Variants in SLC36A2 observed in about 807,000 individuals in gnomAD.
SLC36A2 encodes proton-coupled amino acid transporter 2.
SLC36A2 carries 39 observed loss-of-function variants against 42.7 expected under a neutral mutation model. That is an observed-to-expected ratio of 0.91 (90% confidence interval 0.71 to 1.19). The LOEUF is 1.19. SLC36A2 is among the 50% of genes most tolerant of loss of function. SLC36A2 has a pLI of 0.00. For missense variants in SLC36A2, 590 were observed against 613.7 expected (o/e 0.96, Z 0.41); for synonymous variants, 237 against 240.8 (o/e 0.98, Z 0.15).
chr5:151,327,975 A>C (rs1755897717), intron 7 of SLC36A2, among the ~76,000 whole-genome samples: 1 of 152,178 alleles, frequency 6.6e-6, no homozygotes, highest in South Asian at 2.1e-4. Context: ...GATAATTTCA[A>C]CTAATACTAA....
chr5:151,319,107 G>C (rs1357499815), intron 9 of SLC36A2: 6 of 954,112 alleles, frequency 6.3e-6, no homozygotes, highest in Non-Finnish European at 6.2e-6. Flanking sequence ...TAGGTATTGT[G>C]ATTCATTCTG....
chr5:151,344,088 C>A (rs574096888), intron 2 of SLC36A2, 89 bp downstream of exon 2: 1 of 1,208,952 alleles, frequency 8.3e-7, no homozygotes, highest in East Asian at 2.5e-5. Context: ...AAAGACTGCT[C>A]ACCACAGGTT....
chr5:151,338,912 A>C (rs1176278406), intron 5 of SLC36A2, 148 bp downstream of exon 5: 1 of 658,096 alleles, frequency 1.5e-6, no homozygotes, highest in Non-Finnish European at 2.9e-6. Context: ...CAGATATGTG[A>C]ACTAGGGGAG....
chr5:151,339,022 C>A, intron 5 of SLC36A2, 38 bp downstream of exon 5: 1 of 1,462,846 alleles, frequency 6.8e-7, no homozygotes, highest in South Asian at 1.1e-5. Flanking sequence ...GTGTCCTTGT[C>A]CATCTTTTCC....
chr5:151,343,633 A>G lies in SLC36A2; in HGVS notation c.256-35T>C, dbSNP rs764078159. 3.8e-6 allele frequency: 6 copies of G among 1,573,524 alleles called. No individual in the cohort carries two copies. The Admixed American group carries it at 1.0e-4, about 26-fold the overall frequency. Reference sequence around the variant, plus strand: ...GGGGAGGCAAGGGGCGAGGGAGGAGAGAAGAGAATGCATTTATGAAGAATA... The same window carrying G: ...GGGGAGGCAAGGGGCGAGGGAGGAGGGAAGAGAATGCATTTATGAAGAATA... On this transcript the variant is annotated intron_variant, in intron 2 of 9. Transcript: ENST00000335244.
At position 151,344,185 on chromosome 5, in the gene SLC36A2, C is replaced by A. The variant is rs774495033; in HGVS notation, c.247G>T (p.Gly83Cys). The A allele has an allele frequency of 6.2e-7, 1 of 1,614,052 alleles. No homozygotes were observed. Among genetic ancestry groups the A allele is most frequent in the Non-Finnish European group, 8.5e-7 (1 of 1,179,986 alleles). Reference protein sequence around the residue: ...LGLPLAVKNAGILMGPLSLLV... With the variant: ...LGLPLAVKNACILMGPLSLLV... ...TGTGGCGCCTCTCTTACCAGGATGC[C>A]CGCGTTCTTCACAGCGAGGGGTAGT... is the stretch of plus-strand genomic sequence containing the variant. The change falls in exon 2 of 10, where the codon GGC (glycine) becomes TGC (cysteine). Residue 83 changes from glycine (G) to cysteine (C), a missense_variant. Transcript: ENST00000335244.
intron 2 of SLC36A2, among the ~76,000 whole-genome samples, chr5:151,343,898 T>C (rs960724584): frequency 2.6e-5 from 4 of 152,124 alleles, no homozygotes; most frequent in African/African-American, 4.8e-5. Flanking sequence ...GGACCTGGTG[T>C]TCTATAGAGC....
Position 151,325,578 on chromosome 5 carries a change from TA to T in SLC36A2, c.844-127del, listed in dbSNP as rs112512583. The T allele has an allele frequency of 0.015, 14,957 of 1,017,844 alleles. 1,288 individuals are homozygous for T. The African/African-American group carries it at 0.2, about 13-fold the overall frequency. 63.1% of individuals were successfully genotyped at this position (1,017,844 alleles called of 1,614,324 possible). Reference sequence around the variant, plus strand: ...GGCCTCAAAGAGATATTTGTACACTTATGTTCACAGTAGTGCTATTCACATA... The same window carrying T: ...GGCCTCAAAGAGATATTTGTACACTTTGTTCACAGTAGTGCTATTCACATA... On this transcript the variant is annotated intron_variant, in intron 7 of 9. Transcript: ENST00000335244.
chr5:151,340,230 AGGG>A (rs1198901404), intron 4 of SLC36A2, among the ~76,000 whole-genome samples: 14 of 135,492 alleles, frequency 1.0e-4, no homozygotes, highest in African/African-American at 4.0e-4. Flanking sequence ...AGGAGGAGGA[AGGG>A]GAGGAGGAGG....
intron 8 of SLC36A2, among the ~76,000 whole-genome samples, chr5:151,324,141 T>TTTTG (rs543165815): frequency 0.01 from 1,584 of 151,980 alleles, 16 homozygotes; most frequent in African/African-American, 0.035. Context: ...TCCCAAATTG[T>TTTTG]TTTGTTTGTT....
At chr5:151,336,459 CTTT>C (rs769643262) in intron 5 of SLC36A2, among the ~76,000 whole-genome samples, 8,692 of 113,074 alleles carry the variant, frequency 0.077, 406 homozygotes, top group African/African-American at 0.17. Context: ...TTCCCTCAAT[CTTT>C]TTTTTTTTTT....
intron 7 of SLC36A2, chr5:151,332,571 C>T (rs146219010): frequency 2.8e-4 from 104 of 370,606 alleles, no homozygotes; most frequent in East Asian, 2.2e-3. Context: ...ACAGCATGGA[C>T]GAATTTAAAA....
chr5:151,326,396 T>C (rs1271441186), intron 7 of SLC36A2, among the ~76,000 whole-genome samples: 1 of 152,100 alleles, frequency 6.6e-6, no homozygotes, highest in Admixed American at 6.5e-5. Context: ...GCAGACTCCC[T>C]CCGCCAACCC....
At chr5:151,343,126 T>C in intron 3 of SLC36A2, 143 bp from the exon 4 acceptor site, 1 of 726,054 alleles carries the variant, frequency 1.4e-6, no homozygotes, top group Non-Finnish European at 2.5e-6. Flanking sequence ...GCTTTGACAC[T>C]CAGCAGTAAT....
At chr5:151,333,834 T>A (rs1029642768) in intron 6 of SLC36A2, among the ~76,000 whole-genome samples, 1 of 151,974 alleles carries the variant, frequency 6.6e-6, no homozygotes, top group African/African-American at 2.4e-5. Context: ...CGAAACTCCA[T>A]CTCAAAAACA....
chr5:151,316,894 T>C lies in SLC36A2; in HGVS notation c.1375A>G (p.Thr459Ala), dbSNP rs1580839316. Residue 459 changes from threonine to alanine, a missense_variant, in exon 10 of 10, where the codon ACC becomes GCC. Coordinates refer to ENST00000335244, the MANE Select transcript of SLC36A2 (RefSeq NM_181776.3). The stretch of plus-strand genomic sequence containing the variant: ...AGCAGCTCGTCCAGGGCCTGGTAGG[T>C]CCCCACCACAAAGCCCACGAAGCCC... ...ILGFVGFVVG[T>A]YQALDELLKS... 6.2e-7 allele frequency: 1 copy of C among 1,613,852 alleles called. No homozygotes were observed. The highest frequency in any genetic ancestry group is 8.5e-7 in the Non-Finnish European group (1 of 1,179,952).
At chr5:151,322,247 G>T in intron 8 of SLC36A2, 32 bp from the exon 9 acceptor site, 1 of 1,612,058 alleles carries the variant, frequency 6.2e-7, no homozygotes, top group South Asian at 1.1e-5. Context: ...TGCTCTCCAC[G>T]GCCACTGTGT....
At chr5:151,334,749 G>A (rs1756098168) in intron 6 of SLC36A2, among the ~76,000 whole-genome samples, 2 of 151,736 alleles carry the variant, frequency 1.3e-5, no homozygotes, top group African/African-American at 2.4e-5. Context: ...TAGCAAATTA[G>A]GAAACTGACA....
chr5:151,340,202 GAGA>G (rs1175507241), intron 4 of SLC36A2, among the ~76,000 whole-genome samples: 2 of 131,010 alleles, frequency 1.5e-5, no homozygotes, highest in Non-Finnish European at 3.1e-5. Context: ...GGAGGAGGAG[GAGA>G]GGAGGAGGAG....
Sources: allele counts gnomAD v4.1 joint callset (sites outside exome capture counted in the v4.1 genomes callset), GRCh38; gene constraint gnomAD v4.1.1; transcripts MANE v1.5; gene names NCBI Gene and HGNC (gene_info 2026-07-23, HGNC 2026-07-21).